The following ZNF251 variants were observed in gnomAD, a reference collection of about 807,000 sequenced individuals.
The protein encoded by ZNF251 is zinc finger protein 251.
In ZNF251, 14 loss-of-function variants were observed where a neutral mutation model predicts 13.5. That is an observed-to-expected ratio of 1.04 (90% confidence interval 0.69 to 1.63). The LOEUF (loss-of-function observed/expected upper bound fraction) is 1.63. Among genes scored for constraint, ZNF251 ranks in the 40% most tolerant of loss-of-function variants. The pLI is 0.00. For synonymous variants in ZNF251, 287 were observed against 295.2 expected, an observed-to-expected ratio of 0.97 and a Z score of 0.28; for missense variants, 764 against 834.9, an observed-to-expected ratio of 0.92 and a Z score of 1.05.
At chr8:144,742,281 C>G (rs1824196864) in intron 4 of ZNF251, among the ~76,000 whole-genome samples, 1 of 151,992 alleles carries the variant, frequency 6.6e-6, no homozygotes. Flanking sequence ...AGCAGACTCG[C>G]ACCACGAGAA....
At chr8:144,727,674 G>A (rs1823557231) in intron 4 of ZNF251, among the ~76,000 whole-genome samples, 1 of 152,214 alleles carries the variant, frequency 6.6e-6, no homozygotes, top group Admixed American at 6.5e-5. Context: ...AAGGGAATGT[G>A]TCTGGTTTGA....
chr8:144,728,960 C>T (rs909158384), intron 4 of ZNF251, among the ~76,000 whole-genome samples: 9 of 151,460 alleles, frequency 5.9e-5, no homozygotes, highest in Non-Finnish European at 8.8e-5. Flanking sequence ...TGGTGGCGCG[C>T]GCCTGTAATC....
At chr8:144,733,158 G>C (rs1016089893) in intron 4 of ZNF251, among the ~76,000 whole-genome samples, 2 of 152,114 alleles carry the variant, frequency 1.3e-5, no homozygotes, top group Non-Finnish European at 2.9e-5. Context: ...GGCAGAGGTT[G>C]TAATGAGCCG....
intron 4 of ZNF251, among the ~76,000 whole-genome samples, chr8:144,752,654 CT>C (rs1316392605): frequency 6.6e-6 from 1 of 152,154 alleles, no homozygotes; most frequent in Non-Finnish European, 1.5e-5. Flanking sequence ...TTTCACGAGC[CT>C]TTCTGAATAA....
Position 144,734,776 on chromosome 8 carries a change from CT to C in ZNF251, c.278-11395del, listed in dbSNP as rs1258718004. On this transcript the variant is annotated intron_variant, in intron 4 of 4. Coordinates refer to ENST00000292562, the MANE Select transcript of ZNF251 (RefSeq NM_138367.2). This position sits in a 1 kb window ranked among gnomAD's most constrained non-coding sequence, Gnocchi z 4.4. ...TCTGTGGTAGAAAATTCAAATTTGT[CT>C]TAAGGGATTTTGCAGGCCGGGCGTG... Among the ~76,000 whole-genome samples, 1 of 152,118 alleles carries C rather than the reference CT, an allele frequency of 6.6e-6. No individual in the cohort carries two copies. The highest frequency in any genetic ancestry group is 1.9e-4 in the East Asian group (1 of 5,194).
intron 4 of ZNF251, among the ~76,000 whole-genome samples, chr8:144,749,095 G>A (rs925917760): frequency 1.3e-5 from 2 of 152,152 alleles, no homozygotes; most frequent in Admixed American, 6.5e-5. Flanking sequence ...AGCCCAGGGG[G>A]TCAAGGCTGC....
At chr8:144,754,993 G>T in intron 1 of ZNF251, 190 bp from the exon 2 acceptor site, 2 of 1,395,542 alleles carry the variant, frequency 1.4e-6, no homozygotes, top group Non-Finnish European at 1.9e-6. Flanking sequence ...GAGCCCGGGG[G>T]GATCCAGGGA....
intron 4 of ZNF251, among the ~76,000 whole-genome samples, chr8:144,732,208 G>A (rs748327618): frequency 5.9e-5 from 9 of 152,174 alleles, no homozygotes; most frequent in South Asian, 2.1e-4. Flanking sequence ...CTCCCAAAGT[G>A]TTGGGATTAC....
In ZNF251 at chr8:144,754,173, C is replaced by G. The variant is rs1348289853; in HGVS notation, c.163+19G>C. 1 of 1,605,850 alleles carries G rather than the reference C, an allele frequency of 6.2e-7. No individual in the cohort carries two copies. Among genetic ancestry groups the G allele is most frequent in the African/African-American group, 1.3e-5 (1 of 74,734 alleles). The stretch of plus-strand genomic sequence containing the variant: ...CAGAGGCCCCCACTGCGAACCAGGC[C>G]AAGTGCAGAGAGCCTCACCCAGAGA... On this transcript the variant is annotated intron_variant, in intron 3 of 4. Transcript: ENST00000292562.
chr8:144,748,786 C>T (rs1470806360), intron 4 of ZNF251, among the ~76,000 whole-genome samples: 1 of 152,152 alleles, frequency 6.6e-6, no homozygotes, highest in Non-Finnish European at 1.5e-5. Flanking sequence ...TGGTCTCAAA[C>T]TCCCAGGCTC....
intron 4 of ZNF251, among the ~76,000 whole-genome samples, chr8:144,752,448 A>G (rs1824742489): frequency 6.6e-6 from 1 of 152,220 alleles, no homozygotes; most frequent in African/African-American, 2.4e-5. Context: ...CATTGGGTCA[A>G]AGAAGAAGTC....
chr8:144,754,451 G>T, intron 2 of ZNF251, 130 bp from the exon 3 acceptor site: 1 of 1,445,318 alleles, frequency 6.9e-7, no homozygotes, highest in South Asian at 1.5e-5. Flanking sequence ...GTATCAGCAG[G>T]TCCCTGATGG....
chr8:144,748,554 GA>G lies in ZNF251; in HGVS notation c.277+5128del, dbSNP rs1824538492. 5.9e-5 allele frequency among the ~76,000 whole-genome samples: 9 copies of G among 151,592 alleles called. No homozygotes were observed. The South Asian group carries it at 1.7e-3, about 28-fold the overall frequency. ...TTTGTTCATGGCAAGATCTTGTCAT[GA>G]GACAGCAGGTTTCTTTTTTCTTTGC... On this transcript the variant is annotated intron_variant, in intron 4 of 4. Transcript: ENST00000292562.
intron 4 of ZNF251, among the ~76,000 whole-genome samples, chr8:144,748,399 A>C (rs1824529472): frequency 6.6e-6 from 1 of 152,120 alleles, no homozygotes; most frequent in Non-Finnish European, 1.5e-5. Flanking sequence ...TGCTGTTGTT[A>C]GGCCCATACA....
intron 4 of ZNF251, among the ~76,000 whole-genome samples, chr8:144,729,816 G>A (rs966505944): frequency 5.3e-5 from 8 of 152,214 alleles, no homozygotes; most frequent in South Asian, 2.1e-4. Flanking sequence ...AGCTGAGACC[G>A]CACCTCCGCA....
chr8:144,752,135 C>CAAAAAAAAAAAAAAAAAAAAAAAAAAAA (rs745386892), intron 4 of ZNF251, among the ~76,000 whole-genome samples: 1 of 86,194 alleles, frequency 1.2e-5, no homozygotes, highest in Non-Finnish European at 2.5e-5. Context: ...ATAACTAGAC[C>CAAAAAAAAAAAAAAAAAAAAAAAAAAAA]AAAAAAAAAA....
At chr8:144,736,895 C>T (rs1823921175) in intron 4 of ZNF251, among the ~76,000 whole-genome samples, 3 of 149,894 alleles carry the variant, frequency 2.0e-5, no homozygotes, top group South Asian at 2.1e-4. Context: ...CTCCGGCTCC[C>T]GAGTTCAAGC....
rs145058325 is a variant in ZNF251, at chr8:144,747,779, A to G, written c.277+5904T>C. On this transcript the variant is annotated intron_variant, in intron 4 of 4. Coordinates refer to ENST00000292562, the MANE Select transcript of ZNF251 (RefSeq NM_138367.2). ...AGGCATGAGCCACCACGCCCGGCTAATTTTGTATTTTTAGTAGAGATGGGG... is the reference window on the plus strand; with the variant it reads ...AGGCATGAGCCACCACGCCCGGCTAGTTTTGTATTTTTAGTAGAGATGGGG... Among the ~76,000 whole-genome samples the G allele has an allele frequency of 3.4e-3, 520 of 152,116 alleles. 3 individuals are homozygous for G. Among genetic ancestry groups the G allele is most frequent in the African/African-American group, 0.012 (500 of 41,500 alleles).
In ZNF251 at chr8:144,722,193, A is replaced by G. The variant is rs1563753130; in HGVS notation, c.1467T>C (p.Tyr489=). The G allele has an allele frequency of 1.9e-6, 3 of 1,614,130 alleles. No individual in the cohort carries two copies. The highest frequency in any genetic ancestry group is 1.7e-6 in the Non-Finnish European group (2 of 1,180,014). ...HQRVHTGEKP[Y]DCGDCGKAFS... The stretch of plus-strand genomic sequence containing the variant: ...AGGCCTTCCCACAGTCACCACAGTC[A>G]TAGGGCTTCTCTCCAGTGTGAACTC... Residue 489 remains tyrosine (Y), a synonymous_variant, in exon 5 of 5, where the codon TAT becomes TAC. Coordinates refer to ENST00000292562, the MANE Select transcript of ZNF251 (RefSeq NM_138367.2). The surrounding 1 kb of genome is among the most constrained non-coding windows in gnomAD (Gnocchi z 4.8).
Sources: gnomAD v4.1 joint callset for allele counts (sites outside exome capture counted in the v4.1 genomes callset) on GRCh38, gnomAD v4.1.1 for gene constraint, Gnocchi (gnomAD v3.1) non-coding constraint, MANE v1.5 for transcripts, NCBI Gene and HGNC (gene_info 2026-07-23, HGNC 2026-07-21) for gene names.